Variants in MACROD1 observed in about 807,000 individuals in gnomAD.
MACROD1 encodes ADP-ribose glycohydrolase MACROD1.
MACROD1 carries 31 observed loss-of-function variants against 41.4 expected under a neutral mutation model. The ratio of observed to expected loss-of-function variants is 0.75; its 90% CI spans 0.56 to 1.01. MACROD1 has a LOEUF of 1.01. MACROD1 is among the 50% of genes least tolerant of loss of function. The pLI is 0.00. For missense variants in MACROD1, 473 were observed against 460.0 expected (o/e 1.03, Z -0.26); for synonymous variants, 252 against 203.4 (o/e 1.24, Z -2.03).
chr11:64,028,527 T>C (rs1293844273), intron 3 of MACROD1, among the ~76,000 whole-genome samples: 1 of 152,160 alleles, frequency 6.6e-6, no homozygotes, highest in Non-Finnish European at 1.5e-5. Context: ...TGGCAGCCAT[T>C]GGTATGCGAG....
chr11:63,999,832 C>A, intron 5 of MACROD1, 69 bp from the exon 6 acceptor site: 1 of 1,524,638 alleles, frequency 6.6e-7, no homozygotes, highest in East Asian at 2.3e-5. Flanking sequence ...TTCCCCCTGC[C>A]GGCCTGGGCA....
intron 3 of MACROD1, among the ~76,000 whole-genome samples, chr11:64,026,472 C>T (rs1489646300): frequency 6.6e-6 from 1 of 152,212 alleles, no homozygotes. Flanking sequence ...TGCACACATG[C>T]ACCAGAATTT....
intron 3 of MACROD1, among the ~76,000 whole-genome samples, chr11:64,077,428 T>G (rs557844342): frequency 6.6e-6 from 1 of 152,266 alleles, no homozygotes; most frequent in South Asian, 2.1e-4. Context: ...TCCTCGGATT[T>G]TCCCCCCAAG....
At chr11:64,142,552 T>A (rs537205786) in intron 3 of MACROD1, among the ~76,000 whole-genome samples, 4 of 152,228 alleles carry the variant, frequency 2.6e-5, no homozygotes, top group Admixed American at 2.6e-4. Context: ...CAGCCAATGC[T>A]CCACTCACTG....
At chr11:64,074,749 C>T (rs1267584167) in intron 3 of MACROD1, among the ~76,000 whole-genome samples, 2 of 152,164 alleles carry the variant, frequency 1.3e-5, no homozygotes, top group African/African-American at 2.4e-5. Context: ...CCAGGGGTGA[C>T]CAGGCTCCAG....
intron 3 of MACROD1, chr11:64,060,678 GTTCATTCGTTCA>G (rs956196996): frequency 7.8e-6 from 1 of 128,898 alleles, no homozygotes; most frequent in African/African-American, 4.0e-5. Context: ...CTTCTCTTTA[GTTCATTCGTTCA>G]TTCATTCATT....
chr11:64,113,377 G>A (rs1287418017), intron 3 of MACROD1, among the ~76,000 whole-genome samples: 1 of 152,190 alleles, frequency 6.6e-6, no homozygotes, highest in Non-Finnish European at 1.5e-5. Flanking sequence ...TGGATGGATG[G>A]ATGGATGGAC....
intron 4 of MACROD1, among the ~76,000 whole-genome samples, chr11:64,004,067 C>T (rs1942869869): frequency 6.6e-6 from 1 of 152,246 alleles, no homozygotes; most frequent in African/African-American, 2.4e-5. Context: ...TCTTTCTGCC[C>T]CAAGCCCTGG....
intron 3 of MACROD1, among the ~76,000 whole-genome samples, chr11:64,068,995 G>A (rs996095574): frequency 2.6e-5 from 4 of 152,308 alleles, no homozygotes; most frequent in African/African-American, 9.6e-5. Context: ...TCCTGATAGT[G>A]CCACTCACTA....
chr11:64,147,711 A>G (rs543157412), intron 3 of MACROD1, among the ~76,000 whole-genome samples: 1 of 150,744 alleles, frequency 6.6e-6, no homozygotes, highest in East Asian at 2.0e-4. Flanking sequence ...GGTGTGAGCC[A>G]TCGTACCTGG....
intron 3 of MACROD1, among the ~76,000 whole-genome samples, chr11:64,128,917 C>T (rs1945226316): frequency 6.6e-6 from 1 of 152,224 alleles, no homozygotes; most frequent in East Asian, 1.9e-4. Flanking sequence ...ATCAATCAGC[C>T]AATCACTCCA....
chr11:64,007,761 C>G (rs987697026), intron 4 of MACROD1, among the ~76,000 whole-genome samples: 7 of 152,298 alleles, frequency 4.6e-5, no homozygotes, highest in Non-Finnish European at 7.4e-5. Flanking sequence ...TCCCGGCACG[C>G]CCACCCTGCA....
At chr11:64,131,204 C>T (rs1165946577) in intron 3 of MACROD1, among the ~76,000 whole-genome samples, 1 of 152,198 alleles carries the variant, frequency 6.6e-6, no homozygotes, top group African/African-American at 2.4e-5. Flanking sequence ...CTGCCTGAAG[C>T]GGGTGAGGAC....
At chr11:64,080,222 A>G (rs1392573921) in intron 3 of MACROD1, among the ~76,000 whole-genome samples, 1 of 152,180 alleles carries the variant, frequency 6.6e-6, no homozygotes, top group Non-Finnish European at 1.5e-5. Context: ...CATGTTGGCC[A>G]GGCTGGTCTC....
intron 3 of MACROD1, among the ~76,000 whole-genome samples, chr11:64,144,103 G>A (rs895038450): frequency 6.3e-5 from 9 of 143,202 alleles, no homozygotes; most frequent in East Asian, 2.1e-4. Flanking sequence ...CTCAGGCCCC[G>A]GCCGTGGCTC....
intron 3 of MACROD1, among the ~76,000 whole-genome samples, chr11:64,033,258 C>T (rs887784483): frequency 6.6e-6 from 1 of 152,200 alleles, no homozygotes; most frequent in African/African-American, 2.4e-5. Flanking sequence ...GTCCCTGGTG[C>T]CCTAAACAGC....
intron 4 of MACROD1, among the ~76,000 whole-genome samples, chr11:64,007,557 C>CCGGGAGGTG (rs1433951751): frequency 6.6e-6 from 1 of 152,074 alleles, no homozygotes; most frequent in Non-Finnish European, 1.5e-5. Flanking sequence ...ACAGGACCTC[C>CCGGGAGGTG]CGGGAGGTGC....
chr11:64,135,602 A>G lies in MACROD1; in HGVS notation c.517+15637T>C, dbSNP rs553120188. Reference sequence around the variant, plus strand: ...CTGATTTCCAAAGCCTATAAAGGCAATAACATTTAGGGAGGAGGAAAAATA... The same window carrying G: ...CTGATTTCCAAAGCCTATAAAGGCAGTAACATTTAGGGAGGAGGAAAAATA... On this transcript the variant is annotated intron_variant, in intron 3 of 10. Coordinates refer to ENST00000255681, the MANE Select transcript of MACROD1 (RefSeq NM_014067.4). Among the ~76,000 whole-genome samples the G allele has an allele frequency of 9.8e-5, 15 of 152,384 alleles. 1 individual carries two copies. In the South Asian group the frequency reaches 2.9e-3, roughly 29 times the overall value.
At chr11:64,117,594 G>A (rs1194585250) in intron 3 of MACROD1, 5 of 1,613,010 alleles carry the variant, frequency 3.1e-6, no homozygotes, top group African/African-American at 1.3e-5. Context: ...GGCCATCCAC[G>A]TGAAGGCCCT....
Sources: allele counts gnomAD v4.1 joint callset (sites outside exome capture counted in the v4.1 genomes callset), GRCh38; gene constraint gnomAD v4.1.1; transcripts MANE v1.5; gene names NCBI Gene and HGNC (gene_info 2026-07-23, HGNC 2026-07-21).